CPSF7: variants seen among roughly 807,000 people sequenced by gnomAD.
The protein encoded by CPSF7 is cleavage and polyadenylation specific factor 7.
Under a neutral mutation model 44.3 loss-of-function variants are expected in CPSF7, and 1 was observed. The observed-to-expected ratio is 0.02, with a 90% CI of 0.01 to 0.11. CPSF7 has a LOEUF of 0.11. CPSF7 is among the 10% of genes least tolerant of loss of function. The pLI, the probability that CPSF7 is intolerant of heterozygous loss-of-function variation, is 1.00. For missense variants in CPSF7, 443 were observed against 607.2 expected, an observed-to-expected ratio of 0.73 and a Z score of 2.84; for synonymous variants, 202 against 222.0, an observed-to-expected ratio of 0.91 and a Z score of 0.80.
chr11:61,416,159 C>G lies in CPSF7; in HGVS notation c.884G>C (p.Gly295Ala), dbSNP rs1860319693. ...AFFPPPNATV[G>A]PPPDTYMKAS... is the part of the protein sequence containing the mutation. ...CTTCATGTAAGTATCTGGTGGAGGC[C>G]CCACTGTAGCGTTTGGTGGGGGGAA... Residue 295 changes from glycine to alanine, a missense_variant, in exon 6 of 10, where the codon GGG (glycine) becomes GCG (alanine). Gly to Ala is a moderately conservative substitution (Grantham distance 60). Transcript: ENST00000439958. The G allele has an allele frequency of 6.6e-7, 1 of 1,512,096 alleles. No individual in the cohort carries two copies. Among genetic ancestry groups the G allele is most frequent in the African/African-American group, 1.4e-5 (1 of 71,288 alleles). The allele number at this position is 1,512,096 out of a possible 1,614,324, so 93.7% of individuals were successfully genotyped here. A position where few individuals can be genotyped will look rare whatever the true frequency, so the allele number is the denominator to read the frequency against.
Position 61,410,884 on chromosome 11 carries a change from A to C in CPSF7, c.*5+54T>G. The C allele has an allele frequency of 4.0e-6, 6 of 1,502,664 alleles. No individual in the cohort carries two copies. The South Asian group carries it at 6.6e-5, about 17-fold the overall frequency. The allele number at this position is 1,502,664 out of a possible 1,614,324, so 93.1% of individuals were successfully genotyped here. On this transcript the variant is annotated intron_variant, in intron 9 of 9. Transcript: ENST00000439958. ...TAAAGAGAGAGAATTCTTCACTATA[A>C]ATCTTTTTTTAATAAAAAATCCCCC...
rs571953328 is a variant in CPSF7 at position 61,429,831 on chromosome 11, C to T, written c.-56+83G>A. ...CGCCCGCAGACTCCGGCCGTCCCAT[C>T]TCAACCGACCCCCTTCCCGCCTCAG... is the stretch of plus-strand genomic sequence containing the variant. On this transcript the variant is annotated intron_variant, in intron 1 of 9. Transcript: ENST00000439958. 33 of 1,547,478 alleles carry T rather than the reference C, an allele frequency of 2.1e-5. No homozygotes were observed. The East Asian group carries it at 7.1e-4, about 33-fold the overall frequency.
At chr11:61,429,443 C>A in intron 1 of CPSF7, 153 bp from the exon 2 acceptor site, 1 of 533,670 alleles carries the variant, frequency 1.9e-6, no homozygotes, top group Non-Finnish European at 3.2e-6. Flanking sequence ...GGCCTCGCGC[C>A]GCCCACCGCT....
At chr11:61,415,360 T>TG (rs1860226379) in intron 7 of CPSF7, among the ~76,000 whole-genome samples, 1 of 152,158 alleles carries the variant, frequency 6.6e-6, no homozygotes, top group Non-Finnish European at 1.5e-5. Context: ...ACCACTGAGA[T>TG]GGAGATTTCC....
chr11:61,421,431 G>A lies in CPSF7; in HGVS notation c.232C>T (p.Arg78Cys), dbSNP rs1236908836. 9 of 1,614,006 alleles carry A rather than the reference G, an allele frequency of 5.6e-6. No homozygotes were observed. Among genetic ancestry groups the A allele is most frequent in the African/African-American group, 1.3e-5 (1 of 74,906 alleles). The stretch of plus-strand genomic sequence containing the variant: ...ACATAAACGGCAGCTCGTCTATTAC[G>A]CAGGCCACTGTAGGTATACAGAATT... ...PAILYTYSGL[R>C]NRRAAVYVGS... The change falls in exon 3 of 10, where the codon CGT becomes TGT. Residue 78 changes from arginine to cysteine, a missense_variant. Physicochemically the swap from Arg to Cys is radical, Grantham distance 180. Transcript: ENST00000439958.
intron 3 of CPSF7, chr11:61,420,775 T>C: frequency 1.7e-6 from 1 of 598,606 alleles, no homozygotes; most frequent in Non-Finnish European, 3.0e-6. Context: ...TCTCCATCTT[T>C]AGAGATTACG....
chr11:61,429,663 C>G, intron 1 of CPSF7: 2 of 1,376,636 alleles, frequency 1.5e-6, no homozygotes, highest in Admixed American at 4.1e-5. Context: ...CCGGCCAGAG[C>G]CCCCAGGTGT....
intron 4 of CPSF7, 22 bp downstream of exon 4, chr11:61,420,448 G>T: frequency 6.4e-7 from 1 of 1,570,276 alleles, no homozygotes; most frequent in Non-Finnish European, 8.8e-7. Flanking sequence ...ATTAAAAGGG[G>T]CTTCTCAAAT....
chr11:61,415,101 G>A (rs1008326069), intron 7 of CPSF7, among the ~76,000 whole-genome samples: 1 of 152,136 alleles, frequency 6.6e-6, no homozygotes, highest in African/African-American at 2.4e-5. Context: ...AGCCGGGCGT[G>A]GTGGCAAGTG....
At chr11:61,408,935 T>C (rs1019657662) in intron 9 of CPSF7, among the ~76,000 whole-genome samples, 1 of 152,000 alleles carries the variant, frequency 6.6e-6, no homozygotes, top group Non-Finnish European at 1.5e-5. Flanking sequence ...CCACAGCACA[T>C]TGGGAGGCTG....
intron 2 of CPSF7, 34 bp from the exon 3 acceptor site, chr11:61,421,642 C>A (rs148333372): frequency 6.9e-7 from 1 of 1,453,578 alleles, no homozygotes; most frequent in South Asian, 1.2e-5. Context: ...GGTAGGTCTG[C>A]AAACTTCATT....
rs1020063268 is a variant in CPSF7, at chr11:61,423,592, G to C, written c.55-1984C>G. On this transcript the variant is annotated intron_variant, in intron 2 of 9. Transcript: ENST00000439958. ...TGACAGAGACAGCAAGTAGTTCAGT[G>C]TTTTAAGGATGCTACGGCAGTTTCA... 5.9e-5 allele frequency among the ~76,000 whole-genome samples: 9 copies of C among 152,316 alleles called. 1 individual carries two copies. In the East Asian group the frequency reaches 1.7e-3, roughly 29 times the overall value.
rs1859801702 is a variant in CPSF7 at position 61,411,016 on chromosome 11, T to G, written c.1316A>C (p.His439Pro). ...HRDLLHNEDRHDDYFQERNRE... is the reference protein window; with the variant it reads ...HRDLLHNEDRPDDYFQERNRE... ...GTTCCTTTCTTGGAAATAATCATCA[T>G]GCCGATCTTCATTATGAAGCAGATC... The change falls in exon 9 of 10, where the codon CAT becomes CCT. Residue 439 changes from histidine to proline, a missense_variant. His to Pro is a moderately conservative substitution (Grantham distance 77). Transcript: ENST00000439958. The G allele has an allele frequency of 1.2e-6, 2 of 1,613,836 alleles. No homozygotes were observed. The highest frequency in any genetic ancestry group is 2.2e-5 in the South Asian group (2 of 91,070).
In CPSF7 at chr11:61,414,118, T is replaced by A. The variant is rs538962477; in HGVS notation, c.1057+1548A>T. 1.1e-4 allele frequency among the ~76,000 whole-genome samples: 16 copies of A among 151,686 alleles called. No individual in the cohort carries two copies. The South Asian group carries it at 3.3e-3, about 32-fold the overall frequency. ...GTATTTAACCCATATAACCCATGGGTATATATTACTTTTTAATTTAAAAAG... is the reference window on the plus strand; with the variant it reads ...GTATTTAACCCATATAACCCATGGGAATATATTACTTTTTAATTTAAAAAG... On this transcript the variant is annotated intron_variant, in intron 7 of 9. Transcript: ENST00000439958.
chr11:61,424,357 T>G (rs1029513925), intron 2 of CPSF7, among the ~76,000 whole-genome samples: 3 of 152,244 alleles, frequency 2.0e-5, no homozygotes, highest in Admixed American at 6.5e-5. Flanking sequence ...CCAGGTATGG[T>G]GAGTTGCTCC....
rs1861802958 is a variant in CPSF7, at chr11:61,429,899, G to A, written c.-56+15C>T. On this transcript the variant is annotated intron_variant, in intron 1 of 9. Coordinates refer to ENST00000439958, the MANE Select transcript of CPSF7 (RefSeq NM_001142565.3). Reference sequence around the variant, plus strand: ...CTTCCGGCCCAACCTGCCCCCGACCGCGCGCCCCCGTTACCGGGAATATGG... The same window carrying A: ...CTTCCGGCCCAACCTGCCCCCGACCACGCGCCCCCGTTACCGGGAATATGG... 2.0e-6 allele frequency: 3 copies of A among 1,505,924 alleles called. No individual in the cohort carries two copies. Among genetic ancestry groups the A allele is most frequent in the African/African-American group, 1.4e-5 (1 of 70,506 alleles). The allele number at this position is 1,505,924 out of a possible 1,614,324, so 93.3% of individuals were successfully genotyped here.
Position 61,411,081 on chromosome 11 carries a change from C to T in CPSF7, c.1251G>A (p.Arg417=). 6.2e-7 allele frequency: 1 copy of T among 1,611,638 alleles called. No homozygotes were observed. Among genetic ancestry groups the T allele is most frequent in the South Asian group, 1.1e-5 (1 of 90,792 alleles). Residue 417 remains arginine (R), a synonymous_variant, in exon 9 of 10, where the codon AGG becomes AGA. Transcript: ENST00000439958. ...SSRKRHRSRE[R]SPSRSRESSR... ...TGCTCTCCCGGGACCGGCTAGGTGA[C>T]CTTTCCCGGGAGCGATGTCTTTTCC...
chr11:61,429,116 C>T lies in CPSF7; in HGVS notation c.54+66G>A, dbSNP rs142221775. 6.4e-4 allele frequency: 604 copies of T among 949,872 alleles called. 2 individuals are homozygous for T. The highest frequency in any genetic ancestry group is 1.4e-3 in the Admixed American group (82 of 57,444). The allele number at this position is 949,872 out of a possible 1,614,324, so 58.8% of individuals were successfully genotyped here. A position where few individuals can be genotyped will look rare whatever the true frequency, so the allele number is the denominator to read the frequency against. On this transcript the variant is annotated intron_variant, in intron 2 of 9. Transcript: ENST00000439958. Reference sequence around the variant, plus strand: ...GGACTGGTACAGCTTGAAACCACTGCCAGTTTGCTGAAAATGATTCCTCAG... The same window carrying T: ...GGACTGGTACAGCTTGAAACCACTGTCAGTTTGCTGAAAATGATTCCTCAG...
chr11:61,413,523 T>TG (rs748166517), intron 7 of CPSF7, among the ~76,000 whole-genome samples: 17 of 150,420 alleles, frequency 1.1e-4, no homozygotes, highest in East Asian at 2.0e-4. Flanking sequence ...GCCAGTTATT[T>TG]GGGGGGCTGA....
Sources: allele counts gnomAD v4.1 joint callset (sites outside exome capture counted in the v4.1 genomes callset), GRCh38; gene constraint gnomAD v4.1.1; transcripts MANE v1.5; gene names NCBI Gene and HGNC (gene_info 2026-07-23, HGNC 2026-07-21).